The following NOM1 variants were observed in gnomAD, a reference collection of about 807,000 sequenced individuals.
NOM1 encodes the protein nucleolar MIF4G domain-containing protein 1.
NOM1 carries 58 observed loss-of-function variants against 73.3 expected under a neutral mutation model. The observed-to-expected ratio is 0.79, with a 90% CI of 0.64 to 0.99. The LOEUF (loss-of-function observed/expected upper bound fraction) is 0.99, where lower values mean the gene tolerates loss of function less well. Ranked by LOEUF, NOM1 falls within the 50% of genes least tolerant of loss-of-function variation. NOM1 has a pLI of 0.00. For missense variants in NOM1, 1,226 were observed against 1,131.9 expected (o/e 1.08, Z -1.19); for synonymous variants, 487 against 446.8 (o/e 1.09, Z -1.14).
At chr7:156,969,385 A>G in intron 10 of NOM1, 144 bp from the exon 11 acceptor site, 1 of 785,228 alleles carries the variant, frequency 1.3e-6, no homozygotes. Context: ...ATGATTGTTA[A>G]TAATAAAATA....
chr7:156,965,824 G>T (rs964737064), intron 7 of NOM1, among the ~76,000 whole-genome samples: 1 of 152,170 alleles, frequency 6.6e-6, no homozygotes, highest in African/African-American at 2.4e-5. Context: ...TGAGGTACAA[G>T]AATCACTTGA....
chr7:156,952,065 T>C (rs548041954), intron 1 of NOM1, among the ~76,000 whole-genome samples: 1 of 152,332 alleles, frequency 6.6e-6, no homozygotes, highest in South Asian at 2.1e-4. Flanking sequence ...GAAATTGTTT[T>C]TAGGACACTT....
Position 156,969,837 on chromosome 7 carries a change from AT to A in NOM1, c.*142del, listed in dbSNP as rs1051435614. On this transcript the variant is annotated 3_prime_UTR_variant, in exon 11 of 11. Transcript: ENST00000275820. ...GTCTGTTAATGTATTATATTTTGAG[AT>A]TTTTTTTGATCTAAGGTTTTATTGT... is the stretch of plus-strand genomic sequence containing the variant. The A allele has an allele frequency of 3.0e-4, 246 of 830,320 alleles. No homozygotes were observed. The highest frequency in any genetic ancestry group is 7.8e-4 in the Middle Eastern group (2 of 2,570). 51.4% of individuals were successfully genotyped at this position (830,320 alleles called of 1,614,324 possible).
chr7:156,968,891 C>A, intron 9 of NOM1, 196 bp from the exon 10 acceptor site: 1 of 516,358 alleles, frequency 1.9e-6, no homozygotes, highest in Non-Finnish European at 3.5e-6. Flanking sequence ...CCTCTGCCAG[C>A]AGTGTGTAGG....
intron 2 of NOM1, 75 bp from the exon 3 acceptor site, chr7:156,954,028 T>C: frequency 7.5e-7 from 1 of 1,327,620 alleles, no homozygotes; most frequent in East Asian, 2.3e-5. Flanking sequence ...TGGATAACTC[T>C]TTAATTTTTT....
Position 156,963,321 on chromosome 7 carries a change from CTATTAA to C in NOM1, c.1911+152_1911+157del, listed in dbSNP as rs764514798. Reference sequence around the variant, plus strand: ...TTATCTGGAGGCCTTACAGAAATTGCTATTAATATTACATTGTGATATAATTATTCC... The same window carrying C: ...TTATCTGGAGGCCTTACAGAAATTGCTATTACATTGTGATATAATTATTCC... On this transcript the variant is annotated intron_variant, in intron 6 of 10. Coordinates refer to ENST00000275820, the MANE Select transcript of NOM1 (RefSeq NM_138400.2). 1.5e-5 allele frequency: 11 copies of C among 743,250 alleles called. No homozygotes were observed. The African/African-American group carries it at 1.7e-4, about 12-fold the overall frequency. The allele number at this position is 743,250 out of a possible 1,614,324, so 46.0% of individuals were successfully genotyped here.
At position 156,954,285 on chromosome 7, in the gene NOM1, C is replaced by T. The variant is rs772208371; in HGVS notation, c.1295C>T (p.Thr432Ile). 50 of 1,593,428 alleles carry T rather than the reference C, an allele frequency of 3.1e-5. No homozygotes were observed. Among genetic ancestry groups the T allele is most frequent in the Non-Finnish European group, 4.0e-5 (47 of 1,171,014 alleles). Reference sequence around the variant, plus strand: ...CTCTTAGTCAGCATCCTTCACCACACAGTTGGAATCGAGGTACAGTTGTAC... The same window carrying T: ...CTCTTAGTCAGCATCCTTCACCACATAGTTGGAATCGAGGTACAGTTGTAC... ...HVLLVSILHH[T>I]VGIEVGAHFL... is the part of the protein sequence containing the mutation. Residue 432 changes from threonine to isoleucine, a missense_variant, in exon 3 of 11, where the codon ACA becomes ATA. Coordinates refer to ENST00000275820, the MANE Select transcript of NOM1 (RefSeq NM_138400.2).
rs1473875869 is a variant in NOM1 at position 156,954,267 on chromosome 7, T to G, written c.1277T>G (p.Val426Gly). 1 of 1,604,708 alleles carries G rather than the reference T, an allele frequency of 6.2e-7. No homozygotes were observed. The highest frequency in any genetic ancestry group is 8.5e-7 in the Non-Finnish European group (1 of 1,176,152). The stretch of plus-strand genomic sequence containing the variant: ...CTGATGATGGAGCATGTTCTCTTAG[T>G]CAGCATCCTTCACCACACAGTTGGA... ...SRLMMEHVLL[V>G]SILHHTVGIE... Residue 426 changes from valine to glycine, a missense_variant, in exon 3 of 11, where the codon GTC becomes GGC. Val to Gly is a moderately radical substitution (Grantham distance 109). Transcript: ENST00000275820.
intron 9 of NOM1, among the ~76,000 whole-genome samples, chr7:156,967,548 C>T (rs75627087): frequency 1.6e-4 from 24 of 152,168 alleles, no homozygotes; most frequent in African/African-American, 4.6e-4. Flanking sequence ...TTCTTCCCCC[C>T]CCAAGATGGG....
chr7:156,955,425 C>T (rs950331690), intron 3 of NOM1, among the ~76,000 whole-genome samples: 3 of 152,122 alleles, frequency 2.0e-5, no homozygotes, highest in South Asian at 2.1e-4. Flanking sequence ...TTAGTTTTCC[C>T]GTGATACAGT....
chr7:156,966,462 C>A, intron 8 of NOM1, 60 bp downstream of exon 8: 1 of 1,593,702 alleles, frequency 6.3e-7, no homozygotes, highest in Non-Finnish European at 8.6e-7. Context: ...CACAGGCTAC[C>A]TGGCTCAACC....
chr7:156,950,330 G>T lies in NOM1; in HGVS notation c.593G>T (p.Arg198Leu), dbSNP rs1804553707. The T allele has an allele frequency of 6.2e-7, 1 of 1,613,850 alleles. No homozygotes were observed. Among genetic ancestry groups the T allele is most frequent in the Non-Finnish European group, 8.5e-7 (1 of 1,179,912 alleles). ...KLERCLGLNK[R>L]KKKDGSSSVP... ...GAGCGTTGCCTCGGTTTGAACAAGCGCAAAAAGAAGGACGGCAGCAGCTCC... is the reference window on the plus strand; with the variant it reads ...GAGCGTTGCCTCGGTTTGAACAAGCTCAAAAAGAAGGACGGCAGCAGCTCC... Residue 198 changes from arginine (R) to leucine (L), a missense_variant, in exon 1 of 11, where the codon CGC becomes CTC. Arg to Leu is a moderately radical substitution (Grantham distance 102). Transcript: ENST00000275820.
intron 5 of NOM1, among the ~76,000 whole-genome samples, chr7:156,962,638 CTG>C: frequency 6.6e-6 from 1 of 152,320 alleles, no homozygotes; most frequent in South Asian, 2.1e-4. Context: ...AGGATGGAGA[CTG>C]GGGCAGCCTC....
Position 156,966,247 on chromosome 7 carries a change from GTCATTGC to G in NOM1, c.2034-21_2034-15del. ...ACTTTGGAAGTCGAGTGATGTTCCAGTCATTGCTGTTCTGTTTTCTAGGCTTGGACTT... is the reference window on the plus strand; with the variant it reads ...ACTTTGGAAGTCGAGTGATGTTCCAGTGTTCTGTTTTCTAGGCTTGGACTT... On this transcript the variant is annotated splice_polypyrimidine_tract_variant and intron_variant, in intron 7 of 10. Coordinates refer to ENST00000275820, the MANE Select transcript of NOM1 (RefSeq NM_138400.2). 6.2e-7 allele frequency: 1 copy of G among 1,612,248 alleles called. No homozygotes were observed. The highest frequency in any genetic ancestry group is 8.5e-7 in the Non-Finnish European group (1 of 1,179,954).
chr7:156,950,379 C>A lies in NOM1; in HGVS notation c.642C>A (p.Asp214Glu). 3 of 1,614,218 alleles carry A rather than the reference C, an allele frequency of 1.9e-6. No individual in the cohort carries two copies. Among genetic ancestry groups the A allele is most frequent in the African/African-American group, 1.3e-5 (1 of 75,056 alleles). ...CCGTGCCGCTGAGCTTTGCACGCGA[C>A]GGTCTTGACTATATTCTGGGAGCCC... ...SSSVPLSFAR[D>E]GLDYILGALE... The change falls in exon 1 of 11, where the codon GAC (aspartate) becomes GAA (glutamate). Residue 214 changes from aspartate to glutamate, a missense_variant. Asp to Glu is a conservative substitution (Grantham distance 45). Transcript: ENST00000275820.
intron 4 of NOM1, among the ~76,000 whole-genome samples, chr7:156,960,436 T>C (rs1013469466): frequency 6.6e-6 from 1 of 152,206 alleles, no homozygotes; most frequent in Non-Finnish European, 1.5e-5. Flanking sequence ...GACATGGGGC[T>C]CTAGGGTCAG....
rs1237130244 is a variant in NOM1, at chr7:156,964,005, ATGC to A, written c.2014_2016del (p.Ala672del). ...ATAATGACAAGTGAAGATTTTTTGGATGCTTTTGAAAAGCTTCTGAAGTAAGCA... is the reference window on the plus strand; with the variant it reads ...ATAATGACAAGTGAAGATTTTTTGGATTTTGAAAAGCTTCTGAAGTAAGCA... On this transcript the variant is annotated inframe_deletion, in exon 7 of 11. Coordinates refer to ENST00000275820, the MANE Select transcript of NOM1 (RefSeq NM_138400.2). 3 of 1,613,788 alleles carry A rather than the reference ATGC, an allele frequency of 1.9e-6. No individual in the cohort carries two copies. In the African/African-American group the frequency reaches 4.0e-5, roughly 22 times the overall value.
chr7:156,966,259 C>G lies in NOM1; in HGVS notation c.2034-11C>G. 1.2e-6 allele frequency: 2 copies of G among 1,613,278 alleles called. No homozygotes were observed. Among genetic ancestry groups the G allele is most frequent in the East Asian group, 2.2e-5 (1 of 44,886 alleles). On this transcript the variant is annotated splice_polypyrimidine_tract_variant and intron_variant, in intron 7 of 10. Coordinates refer to ENST00000275820, the MANE Select transcript of NOM1 (RefSeq NM_138400.2). ...GAGTGATGTTCCAGTCATTGCTGTT[C>G]TGTTTTCTAGGCTTGGACTTAAGGA...
chr7:156,960,036 T>TA lies in NOM1; in HGVS notation c.1495dup (p.Ile499AsnfsTer2). On this transcript the variant is annotated frameshift_variant, in exon 4 of 11. Coordinates refer to ENST00000275820, the MANE Select transcript of NOM1 (RefSeq NM_138400.2). LOFTEE classifies it high-confidence loss of function. Reference sequence around the variant, plus strand: ...TGATTGGAACTTTCACCGAAAAAGATATTGAACTGATCTTGTTAATGCTGA... The same window carrying TA: ...TGATTGGAACTTTCACCGAAAAAGATAATTGAACTGATCTTGTTAATGCTGA... 6.2e-7 allele frequency: 1 copy of TA among 1,614,204 alleles called. No individual in the cohort carries two copies. The highest frequency in any genetic ancestry group is 1.1e-5 in the South Asian group (1 of 91,082).
Sources: gnomAD v4.1 joint callset for allele counts (sites outside exome capture counted in the v4.1 genomes callset) on GRCh38, gnomAD v4.1.1 for gene constraint, MANE v1.5 for transcripts, NCBI Gene and HGNC (gene_info 2026-07-23, HGNC 2026-07-21) for gene names.